The following HS1BP3 variants were observed in gnomAD, a reference collection of about 807,000 sequenced individuals.
The protein encoded by HS1BP3 is HCLS1-binding protein 3.
In HS1BP3, 32 loss-of-function variants were observed where a neutral mutation model predicts 33.5. That is an observed-to-expected ratio of 0.95 (90% CI 0.72 to 1.28). The LOEUF is 1.28. Ranked by LOEUF, HS1BP3 falls within the 50% of genes most tolerant of loss-of-function variation. The pLI, the probability that HS1BP3 is intolerant of heterozygous loss-of-function variation, is 0.00. For synonymous variants in HS1BP3, 187 were observed against 209.2 expected, an observed-to-expected ratio of 0.89 and a Z score of 0.92; for missense variants, 486 against 502.3, an observed-to-expected ratio of 0.97 and a Z score of 0.31.
chr2:20,615,480 A>C (rs762629083), downstream of HS1BP3, among the ~76,000 whole-genome samples: 4 of 152,224 alleles, frequency 2.6e-5, no homozygotes, highest in Non-Finnish European at 5.9e-5. Flanking sequence ...AGTGAGTGGG[A>C]CCATTCATAG....
intron 5 of HS1BP3, among the ~76,000 whole-genome samples, chr2:20,561,309 G>C (rs2117842): frequency 0.7 from 107,029 of 152,108 alleles, 41,939 homozygotes; most frequent in Non-Finnish European, 0.86. Flanking sequence ...TGTCTGGTTC[G>C]TCTCTGTCCC....
intron 5 of HS1BP3, among the ~76,000 whole-genome samples, chr2:20,562,668 C>T (rs1236675370): frequency 2.0e-5 from 3 of 152,112 alleles, no homozygotes; most frequent in Admixed American, 2.0e-4. Flanking sequence ...GCCTCTGAAG[C>T]AGGGGGCAGT....
At chr2:20,558,000 T>G (rs1460269063), downstream of HS1BP3, among the ~76,000 whole-genome samples, 1 of 152,204 alleles carries the variant, frequency 6.6e-6, no homozygotes, top group Non-Finnish European at 1.5e-5. Flanking sequence ...TGGCTGCCCC[T>G]CGAAAGAGCA....
At chr2:20,582,353 G>A (rs1366356094) in intron 5 of HS1BP3, among the ~76,000 whole-genome samples, 1 of 152,120 alleles carries the variant, frequency 6.6e-6, no homozygotes, top group African/African-American at 2.4e-5. Context: ...ATGGAGCTGG[G>A]GACTGGTCTA....
At chr2:20,636,158 CA>C (rs1486739743) in intron 4 of HS1BP3, 1 of 152,298 alleles carries the variant, frequency 6.6e-6, no homozygotes, top group Non-Finnish European at 1.5e-5. Context: ...GGTGCACAAA[CA>C]GCCTCCCGAG....
intron 5 of HS1BP3, among the ~76,000 whole-genome samples, chr2:20,570,564 A>G (rs1260182807): frequency 6.6e-6 from 1 of 152,198 alleles, no homozygotes; most frequent in Non-Finnish European, 1.5e-5. Flanking sequence ...AGGGCTCAGG[A>G]TGGTGGGAGA....
intron 2 of HS1BP3, among the ~76,000 whole-genome samples, chr2:20,608,345 C>T (rs181279852): frequency 9.2e-5 from 14 of 151,936 alleles, no homozygotes; most frequent in South Asian, 6.2e-4. Flanking sequence ...GAGGCCGATG[C>T]GGGAGGATCA....
chr2:20,589,271 C>G (rs546163964), downstream of HS1BP3, among the ~76,000 whole-genome samples: 4 of 152,332 alleles, frequency 2.6e-5, 1 homozygote, highest in South Asian at 8.3e-4. Flanking sequence ...CCAACACATC[C>G]TCATCTGAGC....
the HS1BP3 span, among the ~76,000 whole-genome samples, chr2:20,554,987 T>G: frequency 6.6e-6 from 1 of 152,194 alleles, no homozygotes; most frequent in Non-Finnish European, 1.5e-5. Context: ...CCTTCTGCCA[T>G]GCGGGAACTT....
downstream of HS1BP3, among the ~76,000 whole-genome samples, chr2:20,557,290 G>A (rs890538544): frequency 1.3e-5 from 2 of 152,240 alleles, no homozygotes; most frequent in African/African-American, 4.8e-5. Context: ...GGTATTTTAG[G>A]ATGTCCTGCC....
chr2:20,622,328 A>T (rs955262465), intron 6 of HS1BP3: 77 of 1,300,250 alleles, frequency 5.9e-5, no homozygotes, highest in African/African-American at 2.0e-4. Context: ...GTCTGAATTT[A>T]AAAAAAAGAA....
chr2:20,611,002 C>T lies in HS1BP3; in HGVS notation c.179-12737G>A, dbSNP rs1404314804. Among the ~76,000 whole-genome samples, 1 of 152,200 alleles carries T rather than the reference C, an allele frequency of 6.6e-6. No homozygotes were observed. Among genetic ancestry groups the T allele is most frequent in the African/African-American group, 2.4e-5 (1 of 41,458 alleles). On this transcript the variant is annotated intron_variant, in intron 2 of 3. Transcript: ENST00000415264. The surrounding 1 kb of genome is among the most constrained non-coding windows in gnomAD (Gnocchi z 4.9). ...CCCCTGGCAACCATGGGTCTGCTTTCTGTCACTACAATTTTGCCTTTTCTA... is the reference window on the plus strand; with the variant it reads ...CCCCTGGCAACCATGGGTCTGCTTTTTGTCACTACAATTTTGCCTTTTCTA...
downstream of HS1BP3, among the ~76,000 whole-genome samples, chr2:20,559,236 C>T (rs1228268774): frequency 2.6e-5 from 4 of 152,182 alleles, no homozygotes; most frequent in Non-Finnish European, 5.9e-5. Flanking sequence ...CCTTTGGGAC[C>T]AAAACTAATC....
At chr2:20,619,781 A>T (rs1384498513) in intron 6 of HS1BP3, among the ~76,000 whole-genome samples, 1 of 152,252 alleles carries the variant, frequency 6.6e-6, no homozygotes, top group South Asian at 2.1e-4. Flanking sequence ...GGAACAGGAC[A>T]TCGGCCCTTA....
chr2:20,599,740 G>T (rs913261087), intron 2 of HS1BP3, among the ~76,000 whole-genome samples: 1 of 151,478 alleles, frequency 6.6e-6, no homozygotes, highest in African/African-American at 2.4e-5. Flanking sequence ...GTTCTTCTTT[G>T]GAGGTGGGAG....
At chr2:20,642,556 C>T (rs10200826) in intron 2 of HS1BP3, among the ~76,000 whole-genome samples, 2,096 of 152,340 alleles carry the variant, frequency 0.014, 37 homozygotes, top group African/African-American at 0.046. Context: ...GAGCAGGCCA[C>T]GGTGGGGGCC....
chr2:20,637,981 A>T (rs1002395761), intron 4 of HS1BP3: 3 of 224,568 alleles, frequency 1.3e-5, no homozygotes, highest in Admixed American at 5.2e-5. Flanking sequence ...CCAGAGATGT[A>T]TGGCTGGTGA....
intron 2 of HS1BP3, among the ~76,000 whole-genome samples, chr2:20,600,325 G>A (rs1490960129): frequency 3.3e-5 from 5 of 152,154 alleles, no homozygotes; most frequent in Non-Finnish European, 5.9e-5. Flanking sequence ...GGCGAGGTTG[G>A]CTGAGGTCAG....
chr2:20,631,311 C>A (rs1487064440), intron 4 of HS1BP3, among the ~76,000 whole-genome samples: 1 of 151,656 alleles, frequency 6.6e-6, no homozygotes, highest in African/African-American at 2.4e-5. Flanking sequence ...TCCAGGAGTT[C>A]AAGACCACCC....
Sources: allele counts gnomAD v4.1 joint callset (sites outside exome capture counted in the v4.1 genomes callset), GRCh38; gene constraint gnomAD v4.1.1; non-coding constraint Gnocchi (gnomAD v3.1); transcripts MANE v1.5; gene names NCBI Gene and HGNC (gene_info 2026-07-23, HGNC 2026-07-21).